CD83: variants seen among roughly 807,000 people sequenced by gnomAD.
The protein encoded by CD83 is CD83 molecule.
A neutral mutation model predicts 24.6 loss-of-function variants in CD83; 22 were observed. The ratio of observed to expected loss-of-function variants is 0.90; its 90% CI spans 0.64 to 1.28. CD83 has a LOEUF of 1.28. Ranked by LOEUF, CD83 falls within the 50% of genes most tolerant of loss-of-function variation. The pLI is 0.00. For missense variants in CD83, 253 were observed against 252.8 expected, an observed-to-expected ratio of 1.00 and a Z score of -0.01; for synonymous variants, 101 against 103.5, an observed-to-expected ratio of 0.98 and a Z score of 0.14.
chr6:14,124,594 A>G (rs1759742620), intron 2 of CD83, among the ~76,000 whole-genome samples: 1 of 152,182 alleles, frequency 6.6e-6, no homozygotes, highest in Non-Finnish European at 1.5e-5. Flanking sequence ...GCCATGTGCC[A>G]ATAGCCCCCT....
Position 14,135,605 on chromosome 6 carries a change from A to C in CD83, c.*369A>C. On this transcript the variant is annotated 3_prime_UTR_variant, in exon 5 of 5. Coordinates refer to ENST00000379153, the MANE Select transcript of CD83 (RefSeq NM_004233.4). ...TGGCCCGTGACAGACTCCTGAGGAC[A>C]GCTGTCCTCTTCTGCATCTTGGGGA... 1 of 184,404 alleles carries C rather than the reference A, an allele frequency of 5.4e-6. No individual in the cohort carries two copies. The allele number at this position is 184,404 out of a possible 1,614,324, so 11.4% of individuals were successfully genotyped here.
At chr6:14,127,137 C>A (rs1759837104) in intron 2 of CD83, among the ~76,000 whole-genome samples, 2 of 152,026 alleles carry the variant, frequency 1.3e-5, no homozygotes, top group South Asian at 2.1e-4. Context: ...TACAGATGTC[C>A]ACTACCACGC....
At position 14,131,604 on chromosome 6, in the gene CD83, G is replaced by T. The variant is rs140429125; in HGVS notation, c.238G>T (p.Gly80Cys). 23 of 1,614,012 alleles carry T rather than the reference G, an allele frequency of 1.4e-5. No homozygotes were observed. The highest frequency in any genetic ancestry group is 3.3e-4 in the Middle Eastern group (2 of 6,084). ...GCACTATCATCAGAAGGGGCAAAAT[G>T]GTTCTTTCGACGCCCCCAATGAAAG... ...GQHYHQKGQNGSFDAPNERPY... is the reference protein window; with the variant it reads ...GQHYHQKGQNCSFDAPNERPY... The change falls in exon 3 of 5, where the codon GGT (glycine) becomes TGT (cysteine). Residue 80 changes from glycine to cysteine, a missense_variant. By Grantham distance (159) the Gly-to-Cys change is radical. Coordinates refer to ENST00000379153, the MANE Select transcript of CD83 (RefSeq NM_004233.4).
chr6:14,117,512 A>T (rs1759552425), upstream of CD83: 1 of 150,090 alleles, frequency 6.7e-6, no homozygotes, highest in Non-Finnish European at 1.5e-5. This position sits in a 1 kb window ranked among gnomAD's most constrained non-coding sequence, Gnocchi z 4.6. Flanking sequence ...TGCCAGCCGC[A>T]GCAGCGACGC....
rs1759892853 is a variant in CD83 at position 14,129,302 on chromosome 6, G to T, written c.154-2218G>T. 6.6e-6 allele frequency among the ~76,000 whole-genome samples: 1 copy of T among 152,214 alleles called. No homozygotes were observed. Among genetic ancestry groups the T allele is most frequent in the African/African-American group, 2.4e-5 (1 of 41,452 alleles). Reference sequence around the variant, plus strand: ...TGGCCCTGGATGGGCCTCGGTCTCTGGTCTCTTGAAAGCCCTTGCCTGGTA... The same window carrying T: ...TGGCCCTGGATGGGCCTCGGTCTCTTGTCTCTTGAAAGCCCTTGCCTGGTA... On this transcript the variant is annotated intron_variant, in intron 2 of 4. Coordinates refer to ENST00000379153, the MANE Select transcript of CD83 (RefSeq NM_004233.4). The surrounding 1 kb of genome is among the most constrained non-coding windows in gnomAD (Gnocchi z 4.3).
rs980454615 is a variant in CD83, at chr6:14,135,845, C to A, written c.*609C>A. 6.6e-6 allele frequency: 1 copy of A among 152,230 alleles called. No homozygotes were observed. The highest frequency in any genetic ancestry group is 2.4e-5 in the African/African-American group (1 of 41,444). 9.4% of individuals were successfully genotyped at this position (152,230 alleles called of 1,614,324 possible). A position where few individuals can be genotyped will look rare whatever the true frequency, so the allele number is the denominator to read the frequency against. ...GGTCTTTTCATCTGGGAAAGACATC[C>A]ATAAAGAAGCAATAAAGAAGAGTGC... On this transcript the variant is annotated 3_prime_UTR_variant, in exon 5 of 5. Coordinates refer to ENST00000379153, the MANE Select transcript of CD83 (RefSeq NM_004233.4).
At chr6:14,133,076 C>T (rs184744635) in intron 3 of CD83, among the ~76,000 whole-genome samples, 10 of 152,280 alleles carry the variant, frequency 6.6e-5, no homozygotes, top group East Asian at 5.8e-4. Flanking sequence ...GCACCCTTGC[C>T]GAAAGAGCTT....
upstream of CD83, chr6:14,117,658 G>A: frequency 2.0e-6 from 1 of 490,416 alleles, no homozygotes; most frequent in South Asian, 3.3e-5. The surrounding 1 kb of genome is among the most constrained non-coding windows in gnomAD (Gnocchi z 4.6). Context: ...GGCCTAAGCG[G>A]GACTAGGAGG....
At chr6:14,124,727 T>C (rs1475300507) in intron 2 of CD83, among the ~76,000 whole-genome samples, 4 of 152,190 alleles carry the variant, frequency 2.6e-5, no homozygotes, top group Non-Finnish European at 4.4e-5. Flanking sequence ...GGCTTATATA[T>C]AATTGGAATG....
chr6:14,128,836 C>T (rs149225801), intron 2 of CD83, among the ~76,000 whole-genome samples: 63 of 152,248 alleles, frequency 4.1e-4, no homozygotes, highest in African/African-American at 1.4e-3. Flanking sequence ...GGAAATCTAA[C>T]CGTCAAATAA....
At chr6:14,128,085 G>A (rs1320815098) in intron 2 of CD83, among the ~76,000 whole-genome samples, 1 of 152,232 alleles carries the variant, frequency 6.6e-6, no homozygotes, top group African/African-American at 2.4e-5. Flanking sequence ...TTAAAGAGCT[G>A]TTCTTGCCAG....
intron 2 of CD83, 139 bp from the exon 3 acceptor site, chr6:14,131,381 T>TCA: frequency 3.1e-6 from 2 of 641,742 alleles, no homozygotes; most frequent in Non-Finnish European, 5.5e-6. Context: ...CCCCCAGAGG[T>TCA]CACACACACA....
chr6:14,117,588 C>A (rs1561826601), upstream of CD83: 1 of 154,164 alleles, frequency 6.5e-6, no homozygotes, highest in African/African-American at 3.9e-5. The surrounding 1 kb of genome is among the most constrained non-coding windows in gnomAD (Gnocchi z 4.6). Flanking sequence ...GCGGCGGGTG[C>A]GACGGGGGCG....
intron 2 of CD83, among the ~76,000 whole-genome samples, chr6:14,123,364 G>T (rs1428645865): frequency 1.3e-5 from 2 of 152,172 alleles, no homozygotes; most frequent in Admixed American, 1.3e-4. Context: ...CTCCCAAAGT[G>T]CTGGGATTAC....
chr6:14,129,959 C>A lies in CD83; in HGVS notation c.154-1561C>A, dbSNP rs755249492. On this transcript the variant is annotated intron_variant, in intron 2 of 4. Transcript: ENST00000379153. This position sits in a 1 kb window ranked among gnomAD's most constrained non-coding sequence, Gnocchi z 4.3. ...CTCCTTGGTTATCTCTTTCCCTACA[C>A]TGAGTTCCTTCCTAAAAGTCAGAGA... Among the ~76,000 whole-genome samples the A allele has an allele frequency of 9.9e-5, 15 of 152,084 alleles. No homozygotes were observed. Among genetic ancestry groups the A allele is most frequent in the South Asian group, 2.1e-4 (1 of 4,828 alleles).
At chr6:14,122,029 T>C (rs1257779470) in intron 2 of CD83, among the ~76,000 whole-genome samples, 1 of 152,100 alleles carries the variant, frequency 6.6e-6, no homozygotes, top group Non-Finnish European at 1.5e-5. Flanking sequence ...TATGGTGTCA[T>C]CTCTGGGTGA....
At chr6:14,132,080 T>C (rs562020396) in intron 3 of CD83, among the ~76,000 whole-genome samples, 74 of 152,370 alleles carry the variant, frequency 4.9e-4, no homozygotes, top group Middle Eastern at 6.8e-3. Flanking sequence ...TTATTACACC[T>C]GCAAGAGTAC....
In CD83 at chr6:14,129,367, A is replaced by G. The variant is rs902114016; in HGVS notation, c.154-2153A>G. Among the ~76,000 whole-genome samples, 1 of 152,188 alleles carries G rather than the reference A, an allele frequency of 6.6e-6. No individual in the cohort carries two copies. The highest frequency in any genetic ancestry group is 2.4e-5 in the African/African-American group (1 of 41,440). ...TGCCAGGCAGCGGAAGGGAGAGGCA[A>G]GCAGTGTGAGCCCATGACGAGGCTT... On this transcript the variant is annotated intron_variant, in intron 2 of 4. Transcript: ENST00000379153. The surrounding 1 kb of genome is among the most constrained non-coding windows in gnomAD (Gnocchi z 4.3).
At chr6:14,117,763 C>A, upstream of CD83, 1 of 1,348,684 alleles carries the variant, frequency 7.4e-7, no homozygotes, top group Admixed American at 3.9e-5. This position sits in a 1 kb window ranked among gnomAD's most constrained non-coding sequence, Gnocchi z 4.6. Context: ...CAGCCGGCGC[C>A]CGCGCGCCAC....
Sources: allele counts gnomAD v4.1 joint callset (sites outside exome capture counted in the v4.1 genomes callset), GRCh38; gene constraint gnomAD v4.1.1; non-coding constraint Gnocchi (gnomAD v3.1); transcripts MANE v1.5; gene names NCBI Gene and HGNC (gene_info 2026-07-23, HGNC 2026-07-21).